ROPN1L: variants seen among roughly 807,000 people sequenced by gnomAD.
The protein encoded by ROPN1L is ropporin-1-like protein.
In ROPN1L, 23 loss-of-function variants were observed where a neutral mutation model predicts 22.7. That is an observed-to-expected ratio of 1.01 (90% CI 0.73 to 1.43). The LOEUF is 1.43. ROPN1L is among the 40% of genes most tolerant of loss of function. ROPN1L has a pLI of 0.00. For synonymous variants in ROPN1L, 116 were observed against 117.8 expected (o/e 0.98, Z 0.10); for missense variants, 271 against 291.5 (o/e 0.93, Z 0.51).
intron 3 of ROPN1L, 112 bp downstream of exon 3, chr5:10,450,225 A>T (rs906857401): frequency 3.6e-6 from 3 of 823,540 alleles, no homozygotes; most frequent in African/African-American, 3.5e-5. Flanking sequence ...TGTCTTAGAA[A>T]AGCATTTCCC....
chr5:10,448,805 G>T (rs1741163055), intron 2 of ROPN1L, among the ~76,000 whole-genome samples: 2 of 152,236 alleles, frequency 1.3e-5, no homozygotes, highest in African/African-American at 4.8e-5. Context: ...GGCGGGGCTG[G>T]CCTTTGGCCC....
chr5:10,474,651 A>G (rs563183937), downstream of ROPN1L, among the ~76,000 whole-genome samples: 1 of 152,388 alleles, frequency 6.6e-6, no homozygotes, highest in Admixed American at 6.5e-5. Context: ...TGCCAGGTGA[A>G]CAGAGGACTC....
intron 3 of ROPN1L, among the ~76,000 whole-genome samples, chr5:10,455,026 A>G (rs1741372120): frequency 6.6e-6 from 1 of 152,180 alleles, no homozygotes; most frequent in African/African-American, 2.4e-5. Context: ...ACTCCTCGGG[A>G]CGATCATCAA....
At chr5:10,460,527 C>T (rs1330923405) in intron 3 of ROPN1L, among the ~76,000 whole-genome samples, 1 of 108,732 alleles carries the variant, frequency 9.2e-6, no homozygotes, top group Non-Finnish European at 1.8e-5. Flanking sequence ...CCGCTGAAAG[C>T]AGAGGGTGGG....
the ROPN1L span, among the ~76,000 whole-genome samples, chr5:10,477,665 C>T: frequency 6.6e-6 from 1 of 152,182 alleles, no homozygotes; most frequent in African/African-American, 2.4e-5. Context: ...CACAGTGGCT[C>T]ATGTCTGTAA....
rs781295083 is a variant in ROPN1L at position 10,464,813 on chromosome 5, T to C, written c.594-35T>C. ...ATGTTACTAAGTATATGATGAGAAA[T>C]TACCAATAAATATCTTTATCTGTTT... On this transcript the variant is annotated intron_variant, in intron 4 of 4. Transcript: ENST00000274134. The C allele has an allele frequency of 5.5e-6, 7 of 1,284,228 alleles. 1 individual carries two copies. The South Asian group carries it at 9.3e-5, about 17-fold the overall frequency. The allele number at this position is 1,284,228 out of a possible 1,614,324, so 79.6% of individuals were successfully genotyped here.
the ROPN1L span, among the ~76,000 whole-genome samples, chr5:10,478,686 G>T: frequency 0.16 from 24,945 of 152,054 alleles, 3,597 homozygotes; most frequent in East Asian, 0.81. Context: ...TCATCTTAAT[G>T]ACATCTGCAA....
At chr5:10,449,916 A>G in intron 2 of ROPN1L, 36 bp from the exon 3 acceptor site, 1 of 1,575,788 alleles carries the variant, frequency 6.3e-7, no homozygotes, top group Non-Finnish European at 8.7e-7. Context: ...AGGTTTTAAA[A>G]CATACATAAA....
At chr5:10,444,527 G>A (rs1471968583) in intron 1 of ROPN1L, among the ~76,000 whole-genome samples, 9 of 151,404 alleles carry the variant, frequency 5.9e-5, no homozygotes, top group Non-Finnish European at 1.2e-4. Context: ...CTGACCTCAG[G>A]TGATCTATCC....
chr5:10,477,023 A>G (rs1735328251), downstream of ROPN1L, among the ~76,000 whole-genome samples: 1 of 152,250 alleles, frequency 6.6e-6, no homozygotes, highest in Non-Finnish European at 1.5e-5. Context: ...GCAACTGCTC[A>G]GCTCTGCTGT....
chr5:10,448,361 T>A lies in ROPN1L; in HGVS notation c.233T>A (p.Leu78His). The A allele has an allele frequency of 6.2e-7, 1 of 1,614,176 alleles. No homozygotes were observed. The highest frequency in any genetic ancestry group is 8.5e-7 in the Non-Finnish European group (1 of 1,180,026). The stretch of plus-strand genomic sequence containing the variant: ...ACAGACACAGGCCTGACTCAAGGAC[T>A]CCTGAAAGTTTTGCACAAGCAGGTA... ...QKTDTGLTQG[L>H]LKVLHKQCHH... is the part of the protein sequence containing the mutation. The change falls in exon 2 of 5, where the codon CTC becomes CAC. Residue 78 changes from leucine to histidine, a missense_variant. Transcript: ENST00000274134.
At chr5:10,457,060 C>T (rs1238285336) in intron 3 of ROPN1L, among the ~76,000 whole-genome samples, 4 of 152,340 alleles carry the variant, frequency 2.6e-5, no homozygotes, top group South Asian at 2.1e-4. Flanking sequence ...GTGAAATACA[C>T]GACTCGGCTT....
chr5:10,443,694 A>G, intron 1 of ROPN1L, among the ~76,000 whole-genome samples: 1 of 151,400 alleles, frequency 6.6e-6, no homozygotes, highest in East Asian at 1.9e-4. Context: ...AATTAGTTTC[A>G]CTAGGCTAAA....
At chr5:10,449,927 T>C in intron 2 of ROPN1L, 25 bp from the exon 3 acceptor site, 1 of 1,590,354 alleles carries the variant, frequency 6.3e-7, no homozygotes, top group Non-Finnish European at 8.6e-7. Flanking sequence ...CATACATAAA[T>C]TGTCATGCTG....
the ROPN1L span, among the ~76,000 whole-genome samples, chr5:10,477,211 T>C: frequency 6.6e-6 from 1 of 152,212 alleles, no homozygotes; most frequent in African/African-American, 2.4e-5. Context: ...TTGTGGGCCA[T>C]TGTTTGCTGA....
At chr5:10,451,667 G>A (rs1383179733) in intron 3 of ROPN1L, among the ~76,000 whole-genome samples, 3 of 152,188 alleles carry the variant, frequency 2.0e-5, no homozygotes, top group Non-Finnish European at 4.4e-5. Flanking sequence ...GTGCCCTCAG[G>A]GAGTCGGGTG....
intron 1 of ROPN1L, among the ~76,000 whole-genome samples, chr5:10,443,133 T>A (rs1035617130): frequency 7.9e-5 from 12 of 151,890 alleles, no homozygotes; most frequent in African/African-American, 2.7e-4. Flanking sequence ...GCTGGGAGGA[T>A]CACTTGAGCC....
At chr5:10,449,466 C>T (rs140976286) in intron 2 of ROPN1L, among the ~76,000 whole-genome samples, 406 of 152,222 alleles carry the variant, frequency 2.7e-3, no homozygotes, top group Non-Finnish European at 3.9e-3. Flanking sequence ...TTGCAGTGAG[C>T]CGAAATCATG....
intron 1 of ROPN1L, 33 bp downstream of exon 1, chr5:10,442,331 C>G: frequency 2.5e-6 from 4 of 1,609,000 alleles, no homozygotes; most frequent in Non-Finnish European, 3.4e-6. Context: ...GCTGTCCGGT[C>G]TACATGCCCA....
Sources: allele counts gnomAD v4.1 joint callset (sites outside exome capture counted in the v4.1 genomes callset), GRCh38; gene constraint gnomAD v4.1.1; transcripts MANE v1.5; gene names NCBI Gene and HGNC (gene_info 2026-07-23, HGNC 2026-07-21).